The following IGSF10 variants were observed in gnomAD, a reference collection of about 807,000 sequenced individuals.
IGSF10 encodes calvaria mechanical force protein 608.
A neutral mutation model predicts 128.2 loss-of-function variants in IGSF10; 126 were observed. The ratio of observed to expected loss-of-function variants is 0.98; its 90% CI spans 0.85 to 1.14. IGSF10 has a LOEUF of 1.14. Ranked by LOEUF, IGSF10 falls within the 50% of genes most tolerant of loss-of-function variation. The pLI, the probability that IGSF10 is intolerant of heterozygous loss-of-function variation, is 0.00. For missense variants in IGSF10, 3,295 were observed against 3,149.8 expected (o/e 1.05, Z -1.10); for synonymous variants, 1,185 against 1,146.2 (o/e 1.03, Z -0.68).
At chr3:151,441,125 G>C (rs552982181) in intron 7 of IGSF10, among the ~76,000 whole-genome samples, 12 of 152,324 alleles carry the variant, frequency 7.9e-5, no homozygotes, top group African/African-American at 2.6e-4. Context: ...AATGCTACTG[G>C]TAGGGGGTCT....
Position 151,448,838 on chromosome 3 carries a change from G to A in IGSF10, c.1143C>T (p.Tyr381=), listed in dbSNP as rs1239905688. The A allele has an allele frequency of 1.9e-6, 3 of 1,613,846 alleles. No homozygotes were observed. In the Admixed American group the frequency reaches 5.0e-5, roughly 27 times the overall value. The change falls in exon 6 of 8, where the codon TAC becomes TAT. Residue 381 remains tyrosine (Y), a synonymous_variant. Coordinates refer to ENST00000282466, the MANE Select transcript of IGSF10 (RefSeq NM_178822.5). The part of the protein sequence containing the change: ...IQPVWQILAL[Y]SDSPLILERS... ...TTTCTAGTATCAGAGGAGAATCACTGTACAAAGCCAAAATTTGCCACACTG... is the reference window on the plus strand; with the variant it reads ...TTTCTAGTATCAGAGGAGAATCACTATACAAAGCCAAAATTTGCCACACTG...
chr3:151,585,904 C>T, the IGSF10 span, among the ~76,000 whole-genome samples: 3 of 151,872 alleles, frequency 2.0e-5, no homozygotes, highest in Non-Finnish European at 4.4e-5. Flanking sequence ...GAATTACAAG[C>T]ATTTTAGAGA....
At chr3:151,568,437 G>C in the IGSF10 span, among the ~76,000 whole-genome samples, 6 of 152,034 alleles carry the variant, frequency 3.9e-5, no homozygotes, top group Non-Finnish European at 5.9e-5. Context: ...ACTTTAAATG[G>C]GGTCTGGGAC....
chr3:151,531,457 A>C, the IGSF10 span, among the ~76,000 whole-genome samples: 130,561 of 152,118 alleles, frequency 0.86, 56,246 homozygotes, highest in Middle Eastern at 0.95. Flanking sequence ...TCAGCAAATG[A>C]AAAAAATGGA....
At chr3:151,482,387 A>C in the IGSF10 span, among the ~76,000 whole-genome samples, 1 of 152,194 alleles carries the variant, frequency 6.6e-6, no homozygotes, top group Non-Finnish European at 1.5e-5. Context: ...CACTACCACT[A>C]ATCTTGGAGC....
At chr3:151,573,119 T>C in the IGSF10 span, among the ~76,000 whole-genome samples, 1 of 152,216 alleles carries the variant, frequency 6.6e-6, no homozygotes, top group East Asian at 1.9e-4. Context: ...TCTGTTCTTT[T>C]ATATTTGCTG....
At chr3:151,559,827 G>A in the IGSF10 span, among the ~76,000 whole-genome samples, 2 of 152,234 alleles carry the variant, frequency 1.3e-5, no homozygotes, top group Admixed American at 1.3e-4. Context: ...ACCTGCTGGA[G>A]AAAAAGACTT....
At chr3:151,434,215 T>TA (rs1327107832), downstream of IGSF10, 1 of 152,232 alleles carries the variant, frequency 6.6e-6, no homozygotes, top group African/African-American at 2.4e-5. Flanking sequence ...GCAGACCATG[T>TA]AAATCTACTT....
chr3:151,596,914 C>A, the IGSF10 span, among the ~76,000 whole-genome samples: 1 of 152,112 alleles, frequency 6.6e-6, no homozygotes, highest in Admixed American at 6.5e-5. Flanking sequence ...TGGCGAGCTG[C>A]CACTAACTGA....
chr3:151,595,662 A>G, the IGSF10 span, among the ~76,000 whole-genome samples: 2 of 151,046 alleles, frequency 1.3e-5, no homozygotes, highest in Non-Finnish European at 3.0e-5. Context: ...ACATTATGCT[A>G]AGTGAAATTA....
At chr3:151,468,098 C>G in the IGSF10 span, among the ~76,000 whole-genome samples, 1 of 152,144 alleles carries the variant, frequency 6.6e-6, no homozygotes, top group Admixed American at 6.5e-5. Context: ...AGGAGTATTT[C>G]CTGCAGGGAC....
Position 151,437,137 on chromosome 3 carries a change from T to A in IGSF10, c.7424A>T (p.Asp2475Val). The part of the protein sequence containing the change: ...KWTMPSGYVV[D>V]RPQINGKYIL... ...GTATTTCCCATTAATTTGAGGCCTG[T>A]CTACTACATAACCACTTGGCATAGT... is the stretch of plus-strand genomic sequence containing the variant. The change falls in exon 8 of 8, where the codon GAC becomes GTC. Residue 2475 changes from aspartate (D) to valine (V), a missense_variant. Transcript: ENST00000282466. The A allele has an allele frequency of 6.2e-7, 1 of 1,614,172 alleles. No homozygotes were observed. The highest frequency in any genetic ancestry group is 1.3e-5 in the African/African-American group (1 of 75,042).
At chr3:151,606,392 T>G in the IGSF10 span, among the ~76,000 whole-genome samples, 1 of 152,192 alleles carries the variant, frequency 6.6e-6, no homozygotes, top group African/African-American at 2.4e-5. Context: ...TCTTACTAAG[T>G]GAGGGTAAGA....
the IGSF10 span, among the ~76,000 whole-genome samples, chr3:151,574,572 T>A: frequency 6.6e-6 from 1 of 152,218 alleles, no homozygotes; most frequent in South Asian, 2.1e-4. Flanking sequence ...CTCCATTAGG[T>A]CATTTAAAGT....
At chr3:151,535,276 A>G in the IGSF10 span, among the ~76,000 whole-genome samples, 2 of 152,238 alleles carry the variant, frequency 1.3e-5, 1 homozygote, top group South Asian at 4.1e-4. Context: ...CCCAAATAAA[A>G]GAAAAAAAAT....
intron 5 of IGSF10, among the ~76,000 whole-genome samples, chr3:151,452,007 C>G (rs573989264): frequency 2.6e-5 from 4 of 152,314 alleles, no homozygotes; most frequent in Admixed American, 2.0e-4. Context: ...TTGCCTACCA[C>G]ATGCCAAGTG....
At chr3:151,517,391 C>T in the IGSF10 span, among the ~76,000 whole-genome samples, 11 of 152,042 alleles carry the variant, frequency 7.2e-5, no homozygotes, top group South Asian at 2.1e-3. Flanking sequence ...GGCACCCTGG[C>T]CAAGGAGGGT....
chr3:151,449,054 G>T lies in IGSF10; in HGVS notation c.927C>A (p.Phe309Leu). Residue 309 changes from phenylalanine (F) to leucine (L), a missense_variant, in exon 6 of 8, where the codon TTC (phenylalanine) becomes TTA (leucine). By Grantham distance (22) the Phe-to-Leu change is conservative (BLOSUM62 0). Coordinates refer to ENST00000282466, the MANE Select transcript of IGSF10 (RefSeq NM_178822.5). ...SSSAFISPQG[F>L]MAPFGSLTLN... ...AAGTGAGGGAGCCAAAGGGTGCCAT[G>T]AAACCTTGGGGAGAGATGAAAGCAG... 1 of 1,614,192 alleles carries T rather than the reference G, an allele frequency of 6.2e-7. No homozygotes were observed. The highest frequency in any genetic ancestry group is 1.1e-5 in the South Asian group (1 of 91,082).
the IGSF10 span, among the ~76,000 whole-genome samples, chr3:151,515,420 GA>G: frequency 7.3e-6 from 1 of 136,750 alleles, no homozygotes; most frequent in African/African-American, 2.7e-5. Flanking sequence ...ATTGAACAAT[GA>G]GAACACATGG....
Sources: gnomAD v4.1 joint callset for allele counts (sites outside exome capture counted in the v4.1 genomes callset) on GRCh38, gnomAD v4.1.1 for gene constraint, MANE v1.5 for transcripts, NCBI Gene and HGNC (gene_info 2026-07-23, HGNC 2026-07-21) for gene names.